FUT4: variants seen among roughly 807,000 people sequenced by gnomAD.
The protein encoded by FUT4 is alpha-(1,3)-fucosyltransferase 4.
FUT4 carries 1 observed loss-of-function variant against 3.8 expected under a neutral mutation model. The observed-to-expected ratio is 0.26, with a 90% CI of 0.09 to 1.25. FUT4 has a LOEUF of 1.25. Ranked by LOEUF, FUT4 falls within the 50% of genes most tolerant of loss-of-function variation. The pLI, the probability that FUT4 is intolerant of heterozygous loss-of-function variation, is 0.47. For synonymous variants in FUT4, 417 were observed against 355.3 expected (o/e 1.17, Z -1.95); for missense variants, 880 against 768.2 (o/e 1.15, Z -1.72).
In FUT4 at chr11:94,545,677, G is replaced by T. The variant is rs763667950; in HGVS notation, c.1544G>T (p.Gly515Val). 1.9e-6 allele frequency: 3 copies of T among 1,612,270 alleles called. No homozygotes were observed. The South Asian group carries it at 3.3e-5, about 18-fold the overall frequency. The change falls in exon 1 of 1, where the codon GGG becomes GTG. Residue 515 changes from glycine (G) to valine (V), a missense_variant. Physicochemically the swap from Gly to Val is moderately radical, Grantham distance 109. Around this residue, in one of 3 missense-constraint regions of FUT4, gnomAD observed 424 missense variants for 400.4 expected, o/e 1.06. Coordinates refer to ENST00000358752, the MANE Select transcript of FUT4 (RefSeq NM_002033.4). ...GTGTGCCAGGCTGTACAGAGGGCTG[G>T]GGACCGGCCCAAGAGCATACGGAAC... is the stretch of plus-strand genomic sequence containing the variant. ...CRVCQAVQRA[G>V]DRPKSIRNLA...
rs1381457671 is a variant in FUT4, at chr11:94,546,182, TG to T, written c.*457del. 2.9e-6 allele frequency: 1 copy of T among 343,544 alleles called. No homozygotes were observed. The highest frequency in any genetic ancestry group is 2.2e-5 in the African/African-American group (1 of 46,416). 21.3% of individuals were successfully genotyped at this position (343,544 alleles called of 1,614,324 possible). ...AAATTTGTGGTTGTAGAAGGAGCCT[TG>T]TTGGTGGAGAGTGGAAGGACTGTGG... On this transcript the variant is annotated 3_prime_UTR_variant, in exon 1 of 1. Coordinates refer to ENST00000358752, the MANE Select transcript of FUT4 (RefSeq NM_002033.4).
chr11:94,545,088 TC>T lies in FUT4; in HGVS notation c.957del (p.Tyr320ThrfsTer42), dbSNP rs1451795638. On this transcript the variant is annotated frameshift_variant, in exon 1 of 1. Transcript: ENST00000358752. LOFTEE classifies it low-confidence loss of function (END_TRUNC). ...AAGTAACCTCTTCAACTGGACGCTCTCCTACCGGGCGGACTCGGACGTCTTT... is the reference window on the plus strand; with the variant it reads ...AAGTAACCTCTTCAACTGGACGCTCTCTACCGGGCGGACTCGGACGTCTTT... ...LASNLFNWTL[S>X]YRADSDVFVP... is the part of the protein sequence containing the mutation. 3.7e-6 allele frequency: 6 copies of T among 1,612,704 alleles called. No individual in the cohort carries two copies. Among genetic ancestry groups the T allele is most frequent in the Non-Finnish European group, 5.1e-6 (6 of 1,179,796 alleles).
At position 94,547,359 on chromosome 11, in the gene FUT4, T is replaced by C. The variant is rs1456798683; in HGVS notation, c.*1633T>C. ...TAATGGGAGTTTTCTCCTCCACTTA[T>C]TAGAATAAGGACCCTCAGTGACTAA... On this transcript the variant is annotated 3_prime_UTR_variant, in exon 1 of 1. Coordinates refer to ENST00000358752, the MANE Select transcript of FUT4 (RefSeq NM_002033.4). 6.0e-6 allele frequency: 1 copy of C among 167,006 alleles called. No individual in the cohort carries two copies. The highest frequency in any genetic ancestry group is 2.4e-5 in the African/African-American group (1 of 41,454). 10.3% of individuals were successfully genotyped at this position (167,006 alleles called of 1,614,324 possible).
At position 94,543,925 on chromosome 11, in the gene FUT4, C is replaced by T; in HGVS notation, c.-209C>T. The T allele has an allele frequency of 1.5e-6, 1 of 663,070 alleles. No individual in the cohort carries two copies. Among genetic ancestry groups the T allele is most frequent in the Non-Finnish European group, 2.1e-6 (1 of 465,716 alleles). The allele number at this position is 663,070 out of a possible 1,614,324, so 41.1% of individuals were successfully genotyped here. On this transcript the variant is annotated 5_prime_UTR_variant, in exon 1 of 1. Coordinates refer to ENST00000358752, the MANE Select transcript of FUT4 (RefSeq NM_002033.4). ...AGGAAGCCGACGCTATCCTCCGTTC[C>T]GCGGCGCCGGGTCCGCCTTCCGTCT... is the stretch of plus-strand genomic sequence containing the variant.
rs1362271079 is a variant in FUT4, at chr11:94,544,899, C to G, written c.766C>G (p.Gln256Glu). The G allele has an allele frequency of 1.2e-6, 2 of 1,609,252 alleles. No individual in the cohort carries two copies. Among genetic ancestry groups the G allele is most frequent in the African/African-American group, 1.3e-5 (1 of 74,872 alleles). The change falls in exon 1 of 1, where the codon CAG becomes GAG. Residue 256 changes from glutamine to glutamate, a missense_variant. Gln to Glu is a conservative substitution (Grantham distance 29, BLOSUM62 2). This residue lies in a region of FUT4 where 424 missense variants were observed against 400.4 expected (regional missense o/e 1.06). Coordinates refer to ENST00000358752, the MANE Select transcript of FUT4 (RefSeq NM_002033.4). The stretch of plus-strand genomic sequence containing the variant: ...CGACTGGCCCCCGCCCTGGGGCATC[C>G]AGGCGCACACTGCCGAGGAGGTGGA... ...PPDWPPPWGIQAHTAEEVDLR... is the reference protein window; with the variant it reads ...PPDWPPPWGIEAHTAEEVDLR...
chr11:94,545,342 A>G lies in FUT4; in HGVS notation c.1209A>G (p.Thr403=), dbSNP rs1241927059. Residue 403 remains threonine, a synonymous_variant, in exon 1 of 1, where the codon ACA becomes ACG. Transcript: ENST00000358752. Reference sequence around the variant, plus strand: ...TGCCCGAAATTGGGCTCCTGCACACAGTGGCCCGCTACAAGTTCTACCTGG... The same window carrying G: ...TGCCCGAAATTGGGCTCCTGCACACGGTGGCCCGCTACAAGTTCTACCTGG... The part of the protein sequence containing the change: ...QPVPEIGLLH[T]VARYKFYLAF... 3.1e-6 allele frequency: 5 copies of G among 1,612,730 alleles called. No individual in the cohort carries two copies. The highest frequency in any genetic ancestry group is 1.3e-5 in the African/African-American group (1 of 74,890).
At position 94,544,759 on chromosome 11, in the gene FUT4, C is replaced by G. The variant is rs1311745204; in HGVS notation, c.626C>G (p.Pro209Arg). The change falls in exon 1 of 1, where the codon CCT becomes CGT. Residue 209 changes from proline (P) to arginine (R), a missense_variant. This residue lies in a region of FUT4 where 447 missense variants were observed against 339.5 expected (regional missense o/e 1.32). Transcript: ENST00000358752. ...CGCGATAGCGCCCCGAGGCCGCCCC[C>G]TGACTGCCGGCTGCGCTTCAACATC... The part of the protein sequence containing the change: ...GGRDSAPRPP[P>R]DCRLRFNISG... 6.4e-7 allele frequency: 1 copy of G among 1,573,258 alleles called. No homozygotes were observed.
Position 94,544,442 on chromosome 11 carries a change from G to A in FUT4, c.309G>A (p.Glu103=), listed in dbSNP as rs746200654. ...QRRLEPQLQH[E]SRCRSSTPAD... is the part of the protein sequence containing the mutation. Reference sequence around the variant, plus strand: ...GGCTGGAGCCGCAGCTACAGCATGAGAGCCGGTGCCGCTCCTCCACGCCTG... The same window carrying A: ...GGCTGGAGCCGCAGCTACAGCATGAAAGCCGGTGCCGCTCCTCCACGCCTG... Residue 103 remains glutamate, a synonymous_variant, in exon 1 of 1, where the codon GAG becomes GAA. Coordinates refer to ENST00000358752, the MANE Select transcript of FUT4 (RefSeq NM_002033.4). The A allele has an allele frequency of 4.0e-6, 6 of 1,513,070 alleles. No homozygotes were observed. In the Admixed American group the frequency reaches 6.1e-5, roughly 15 times the overall value. 93.7% of individuals were successfully genotyped at this position (1,513,070 alleles called of 1,614,324 possible). A position where few individuals can be genotyped will look rare whatever the true frequency, so the allele number is the denominator to read the frequency against.
chr11:94,544,758 CCT>C lies in FUT4; in HGVS notation c.626_627del (p.Pro209ArgfsTer103), dbSNP rs1281334941. On this transcript the variant is annotated frameshift_variant, in exon 1 of 1. Transcript: ENST00000358752. LOFTEE classifies it low-confidence loss of function (END_TRUNC). ...GGRDSAPRPP[P>X]DCRLRFNISG... ...GCGCGATAGCGCCCCGAGGCCGCCC[CCT>C]GACTGCCGGCTGCGCTTCAACATCA... 1 of 1,572,690 alleles carries C rather than the reference CCT, an allele frequency of 6.4e-7. No individual in the cohort carries two copies. The highest frequency in any genetic ancestry group is 8.6e-7 in the Non-Finnish European group (1 of 1,167,532).
rs774724256 is a variant in FUT4 at position 94,545,319 on chromosome 11, C to A, written c.1186C>A (p.Pro396Thr). The A allele has an allele frequency of 1.0e-4, 169 of 1,612,476 alleles. No individual in the cohort carries two copies. Among genetic ancestry groups the A allele is most frequent in the Non-Finnish European group, 1.9e-5 (22 of 1,179,892 alleles). Reference sequence around the variant, plus strand: ...CCGGGGCGGGCCGGGGCAGCCGGTGCCCGAAATTGGGCTCCTGCACACAGT... The same window carrying A: ...CCGGGGCGGGCCGGGGCAGCCGGTGACCGAAATTGGGCTCCTGCACACAGT... Reference protein sequence around the residue: ...FGRGGPGQPVPEIGLLHTVAR... With the variant: ...FGRGGPGQPVTEIGLLHTVAR... The change falls in exon 1 of 1, where the codon CCC (proline) becomes ACC (threonine). Residue 396 changes from proline to threonine, a missense_variant. By Grantham distance (38) the Pro-to-Thr change is conservative. Transcript: ENST00000358752.
chr11:94,544,448 G>A lies in FUT4; in HGVS notation c.315G>A (p.Arg105=), dbSNP rs775576806. The A allele has an allele frequency of 3.3e-6, 5 of 1,509,888 alleles. No individual in the cohort carries two copies. The South Asian group carries it at 4.9e-5, about 15-fold the overall frequency. The allele number at this position is 1,509,888 out of a possible 1,614,324, so 93.5% of individuals were successfully genotyped here. A position where few individuals can be genotyped will look rare whatever the true frequency, so the allele number is the denominator to read the frequency against. Reference sequence around the variant, plus strand: ...AGCCGCAGCTACAGCATGAGAGCCGGTGCCGCTCCTCCACGCCTGCGGACG... The same window carrying A: ...AGCCGCAGCTACAGCATGAGAGCCGATGCCGCTCCTCCACGCCTGCGGACG... ...RLEPQLQHES[R]CRSSTPADAW... is the part of the protein sequence containing the mutation. Residue 105 remains arginine (R), a synonymous_variant, in exon 1 of 1, where the codon CGG becomes CGA. Transcript: ENST00000358752.
rs1158080054 is a variant in FUT4 at position 94,547,531 on chromosome 11, A to T, written c.*1805A>T. On this transcript the variant is annotated 3_prime_UTR_variant, in exon 1 of 1. Transcript: ENST00000358752. Reference sequence around the variant, plus strand: ...TTTTGCAGACATACTTGAAAAGCTCACTTAAATCTAGGTGCTTCAATTCAC... The same window carrying T: ...TTTTGCAGACATACTTGAAAAGCTCTCTTAAATCTAGGTGCTTCAATTCAC... 2 of 166,944 alleles carry T rather than the reference A, an allele frequency of 1.2e-5. No homozygotes were observed. Among genetic ancestry groups the T allele is most frequent in the Non-Finnish European group, 1.5e-5 (1 of 68,128 alleles). 10.3% of individuals were successfully genotyped at this position (166,944 alleles called of 1,614,324 possible).
Position 94,548,127 on chromosome 11 carries a change from G to C in FUT4, c.*2401G>C, listed in dbSNP as rs555659656. On this transcript the variant is annotated 3_prime_UTR_variant, in exon 1 of 1. Transcript: ENST00000358752. Reference sequence around the variant, plus strand: ...TTCTTTGAAAATATTTTTTTGGTTCGTTTTGGTAAAGCTCTATAAATTGGT... The same window carrying C: ...TTCTTTGAAAATATTTTTTTGGTTCCTTTTGGTAAAGCTCTATAAATTGGT... The C allele has an allele frequency of 1.8e-5, 3 of 165,042 alleles. No individual in the cohort carries two copies. The highest frequency in any genetic ancestry group is 4.4e-5 in the Non-Finnish European group (3 of 67,968). The allele number at this position is 165,042 out of a possible 1,614,324, so 10.2% of individuals were successfully genotyped here. A position where few individuals can be genotyped will look rare whatever the true frequency, so the allele number is the denominator to read the frequency against.
At position 94,545,162 on chromosome 11, in the gene FUT4, C is replaced by G. The variant is rs746602729; in HGVS notation, c.1029C>G (p.Pro343=). 2 of 1,607,664 alleles carry G rather than the reference C, an allele frequency of 1.2e-6. No individual in the cohort carries two copies. The highest frequency in any genetic ancestry group is 3.4e-5 in the Admixed American group (2 of 59,656). ...LYPRSHPGDP[P]SGLAPPLSRK... Reference sequence around the variant, plus strand: ...CCAGAAGCCACCCCGGCGACCCGCCCTCAGGCCTGGCCCCGCCACTGTCCA... The same window carrying G: ...CCAGAAGCCACCCCGGCGACCCGCCGTCAGGCCTGGCCCCGCCACTGTCCA... Residue 343 remains proline (P), a synonymous_variant, in exon 1 of 1, where the codon CCC becomes CCG. Transcript: ENST00000358752.
rs200442017 is a variant in FUT4 at position 94,545,501 on chromosome 11, C to T, written c.1368C>T (p.Phe456=). Reference sequence around the variant, plus strand: ...AGCGCTTTGTGCCCCGCGGCGCCTTCATCCACGTGGACGACTTCCCAAGTG... The same window carrying T: ...AGCGCTTTGTGCCCCGCGGCGCCTTTATCCACGTGGACGACTTCCCAAGTG... ...NYERFVPRGA[F]IHVDDFPSAS... The change falls in exon 1 of 1, where the codon TTC becomes TTT. Residue 456 remains phenylalanine (F), a synonymous_variant. Coordinates refer to ENST00000358752, the MANE Select transcript of FUT4 (RefSeq NM_002033.4). 1 of 1,613,714 alleles carries T rather than the reference C, an allele frequency of 6.2e-7. No individual in the cohort carries two copies. The highest frequency in any genetic ancestry group is 8.5e-7 in the Non-Finnish European group (1 of 1,179,994).
In FUT4 at chr11:94,544,721, G is replaced by A; in HGVS notation, c.588G>A (p.Glu196=). The A allele has an allele frequency of 6.4e-7, 1 of 1,562,704 alleles. No individual in the cohort carries two copies. The highest frequency in any genetic ancestry group is 8.6e-7 in the Non-Finnish European group (1 of 1,164,320). Reference sequence around the variant, plus strand: ...CGGTGGGCGTGCTGCTGTGGTGGGAGCCCTTCGGGGGGCGCGATAGCGCCC... The same window carrying A: ...CGGTGGGCGTGCTGCTGTGGTGGGAACCCTTCGGGGGGCGCGATAGCGCCC... ...SRPVGVLLWW[E]PFGGRDSAPR... Residue 196 remains glutamate (E), a synonymous_variant, in exon 1 of 1, where the codon GAG becomes GAA. Transcript: ENST00000358752.
chr11:94,546,080 A>G lies in FUT4; in HGVS notation c.*354A>G, dbSNP rs146517874. On this transcript the variant is annotated 3_prime_UTR_variant, in exon 1 of 1. Transcript: ENST00000358752. ...TGAATTTCCCCATCTGCCACAGGCC[A>G]TATTTGTGGCCCGTGCAGCTTCCAA... 654 of 398,274 alleles carry G rather than the reference A, an allele frequency of 1.6e-3. 3 individuals carry two copies. Among genetic ancestry groups the G allele is most frequent in the African/African-American group, 0.013 (614 of 48,008 alleles). 24.7% of individuals were successfully genotyped at this position (398,274 alleles called of 1,614,324 possible). A position where few individuals can be genotyped will look rare whatever the true frequency, so the allele number is the denominator to read the frequency against.
In FUT4 at chr11:94,548,941, GA is replaced by G; in HGVS notation, c.*3216del. 6.0e-6 allele frequency: 1 copy of G among 167,112 alleles called. No individual in the cohort carries two copies. 10.4% of individuals were successfully genotyped at this position (167,112 alleles called of 1,614,324 possible). A position where few individuals can be genotyped will look rare whatever the true frequency, so the allele number is the denominator to read the frequency against. ...GGGAGACAGAGGAGTTTCATGTAAA[GA>G]GCATGCAGTTTGGAGTCAGAACCTG... On this transcript the variant is annotated 3_prime_UTR_variant, in exon 1 of 1. Coordinates refer to ENST00000358752, the MANE Select transcript of FUT4 (RefSeq NM_002033.4).
At position 94,544,876 on chromosome 11, in the gene FUT4, A is replaced by C. The variant is rs1311551683; in HGVS notation, c.743A>C (p.Asp248Ala). ...HHRDLVKGPPDWPPPWGIQAH... is the reference protein window; with the variant it reads ...HHRDLVKGPPAWPPPWGIQAH... The stretch of plus-strand genomic sequence containing the variant: ...CGCGACCTCGTGAAGGGGCCCCCCG[A>C]CTGGCCCCCGCCCTGGGGCATCCAG... Residue 248 changes from aspartate (D) to alanine (A), a missense_variant, in exon 1 of 1, where the codon GAC becomes GCC. By Grantham distance (126) the Asp-to-Ala change is moderately radical (BLOSUM62 -2). This residue lies in a region of FUT4 where 424 missense variants were observed against 400.4 expected (regional missense o/e 1.06). Coordinates refer to ENST00000358752, the MANE Select transcript of FUT4 (RefSeq NM_002033.4). The C allele has an allele frequency of 6.2e-7, 1 of 1,608,714 alleles. No homozygotes were observed. The highest frequency in any genetic ancestry group is 1.3e-5 in the African/African-American group (1 of 74,856).
Sources: gnomAD v4.1 joint callset for allele counts on GRCh38, gnomAD v4.1.1 for gene constraint, gnomAD v4.1.1 regional missense constraint, MANE v1.5 for transcripts, NCBI Gene and HGNC (gene_info 2026-07-23, HGNC 2026-07-21) for gene names.